FAM114A1: variants seen among roughly 807,000 people sequenced by gnomAD.
FAM114A1 encodes family with sequence similarity 114 member A1, also known as protein NOXP20.
Under a neutral mutation model 64.3 loss-of-function variants are expected in FAM114A1, and 62 were observed. The observed-to-expected ratio is 0.96, with a 90% confidence interval of 0.79 to 1.19. The LOEUF is 1.19. FAM114A1 is among the 50% of genes most tolerant of loss of function. The probability of loss-of-function intolerance (pLI) is 0.00; values close to 1 mark genes in which losing one functional copy is unlikely to be tolerated. For synonymous variants in FAM114A1, 254 were observed against 251.1 expected, an observed-to-expected ratio of 1.01 and a Z score of -0.11; for missense variants, 645 against 676.3, an observed-to-expected ratio of 0.95 and a Z score of 0.51.
chr4:38,905,964 T>G, intron 6 of FAM114A1, 103 bp downstream of exon 6: 1 of 1,004,378 alleles, frequency 1.0e-6, no homozygotes, highest in South Asian at 1.8e-5. Context: ...AACGATGGCC[T>G]TGCTCAGAAC....
intron 3 of FAM114A1, among the ~76,000 whole-genome samples, chr4:38,890,044 T>C (rs1390344740): frequency 6.6e-6 from 1 of 151,398 alleles, no homozygotes; most frequent in Admixed American, 6.6e-5. Flanking sequence ...AAGCAAAAAC[T>C]TTTCCATTTA....
intron 12 of FAM114A1, among the ~76,000 whole-genome samples, chr4:38,934,298 A>G (rs187457778): frequency 1.3e-5 from 2 of 152,290 alleles, no homozygotes; most frequent in Admixed American, 1.3e-4. Flanking sequence ...ATTTGCCTGT[A>G]CAATAAGTGC....
intron 6 of FAM114A1, among the ~76,000 whole-genome samples, chr4:38,906,450 G>A (rs1033431559): frequency 1.3e-5 from 2 of 152,120 alleles, no homozygotes; most frequent in South Asian, 4.1e-4. Flanking sequence ...AAACATTGGT[G>A]AATAATGAAA....
intron 13 of FAM114A1, chr4:38,938,630 A>G (rs1001621323): frequency 2.6e-5 from 4 of 152,262 alleles, no homozygotes; most frequent in Middle Eastern, 3.4e-3. Context: ...GAGAGGTGCG[A>G]GGTCTTAATC....
chr4:38,870,328 C>T (rs1409794879), intron 2 of FAM114A1, among the ~76,000 whole-genome samples: 2 of 152,212 alleles, frequency 1.3e-5, no homozygotes, highest in African/African-American at 4.8e-5. Context: ...CTCCCTTGCA[C>T]AGGGTCAGTC....
rs186606894 is a variant in FAM114A1, at chr4:38,906,021, G to A, written c.657+160G>A. Among the ~76,000 whole-genome samples, 10 of 152,048 alleles carry A rather than the reference G, an allele frequency of 6.6e-5. No homozygotes were observed. The East Asian group carries it at 1.2e-3, about 18-fold the overall frequency. Reference sequence around the variant, plus strand: ...TAATGTTTTCTGCTACAAAGTAGACGTAACCTTGGATTCAAAATAATAAGG... The same window carrying A: ...TAATGTTTTCTGCTACAAAGTAGACATAACCTTGGATTCAAAATAATAAGG... On this transcript the variant is annotated intron_variant, in intron 6 of 14. Transcript: ENST00000358869.
intron 11 of FAM114A1, 78 bp downstream of exon 11, chr4:38,931,690 G>A (rs1720656168): frequency 1.4e-6 from 2 of 1,401,400 alleles, no homozygotes. Context: ...TTTAATTGAG[G>A]AGAGGCCATT....
At chr4:38,868,028 C>T (rs780817040) in intron 1 of FAM114A1, 194 bp downstream of exon 1, 3 of 424,054 alleles carry the variant, frequency 7.1e-6, no homozygotes, top group Non-Finnish European at 9.5e-6. Flanking sequence ...GGCGGCGCGG[C>T]CGAGGGACCT....
intron 1 of FAM114A1, chr4:38,868,192 C>T (rs1216741373): frequency 3.5e-5 from 7 of 198,936 alleles, no homozygotes; most frequent in Non-Finnish European, 6.6e-5. Flanking sequence ...GTATCCAGTC[C>T]TGGCACCAAG....
chr4:38,906,620 C>T (rs1051169645), intron 6 of FAM114A1, among the ~76,000 whole-genome samples: 2 of 152,104 alleles, frequency 1.3e-5, no homozygotes, highest in Admixed American at 1.3e-4. Context: ...CTGCAACCTC[C>T]GCATCCCTGA....
rs763196324 is a variant in FAM114A1, at chr4:38,905,877, C to T, written c.657+16C>T. The T allele has an allele frequency of 1.9e-6, 3 of 1,601,000 alleles. No individual in the cohort carries two copies. The African/African-American group carries it at 4.1e-5, about 22-fold the overall frequency. On this transcript the variant is annotated intron_variant, in intron 6 of 14. Transcript: ENST00000358869. The stretch of plus-strand genomic sequence containing the variant: ...TCAAAACACAGTGAGTCGCTGGCTG[C>T]TTCCTCTCTTTCCCCTGTATTTCCC...
At position 38,891,465 on chromosome 4, in the gene FAM114A1, A is replaced by G. The variant is rs528022574; in HGVS notation, c.349-278A>G. Among the ~76,000 whole-genome samples, 327 of 152,290 alleles carry G rather than the reference A, an allele frequency of 2.1e-3. 2 individuals are homozygous for G. The highest frequency in any genetic ancestry group is 7.5e-3 in the African/African-American group (310 of 41,560). On this transcript the variant is annotated intron_variant, in intron 3 of 14. Transcript: ENST00000358869. The stretch of plus-strand genomic sequence containing the variant: ...ATGCAGCCTTTTCCCTGTCTTCTAA[A>G]TAATAAGAGAGAATCGAGGCTCAGT...
chr4:38,888,914 A>T (rs1484871367), intron 3 of FAM114A1, among the ~76,000 whole-genome samples: 1 of 152,244 alleles, frequency 6.6e-6, no homozygotes, highest in East Asian at 1.9e-4. Flanking sequence ...AGATATATTT[A>T]TAATTCATGC....
At chr4:38,915,297 C>A (rs1244103653) in intron 8 of FAM114A1, among the ~76,000 whole-genome samples, 1 of 152,056 alleles carries the variant, frequency 6.6e-6, no homozygotes, top group Non-Finnish European at 1.5e-5. Context: ...AAGGCCTGCA[C>A]AGTAAGAGCC....
At chr4:38,906,506 A>C (rs1251221651) in intron 6 of FAM114A1, among the ~76,000 whole-genome samples, 1 of 152,120 alleles carries the variant, frequency 6.6e-6, no homozygotes, top group African/African-American at 2.4e-5. Context: ...GCTGGTCATC[A>C]GGGTCAGGGA....
chr4:38,888,354 CA>C (rs1006675632), intron 3 of FAM114A1, among the ~76,000 whole-genome samples: 2 of 151,870 alleles, frequency 1.3e-5, no homozygotes, highest in African/African-American at 4.8e-5. Flanking sequence ...CCTGTCTCTA[CA>C]AAAAATAATT....
chr4:38,904,417 C>A (rs11933381), intron 4 of FAM114A1, among the ~76,000 whole-genome samples: 2,418 of 152,278 alleles, frequency 0.016, 81 homozygotes, highest in African/African-American at 0.054. Flanking sequence ...GGGTTTTTCC[C>A]TGTGGGTAGG....
intron 9 of FAM114A1, among the ~76,000 whole-genome samples, chr4:38,924,653 C>G (rs1719938077): frequency 6.6e-6 from 1 of 152,188 alleles, no homozygotes; most frequent in South Asian, 2.1e-4. Flanking sequence ...GTATCAGAGA[C>G]AGTTGGGAAT....
intron 4 of FAM114A1, among the ~76,000 whole-genome samples, chr4:38,900,983 T>A (rs562670862): frequency 6.6e-6 from 1 of 152,010 alleles, no homozygotes; most frequent in South Asian, 2.1e-4. Context: ...ACCAGATATA[T>A]CAGAGATATG....
Sources: gnomAD v4.1 joint callset for allele counts (sites outside exome capture counted in the v4.1 genomes callset) on GRCh38, gnomAD v4.1.1 for gene constraint, MANE v1.5 for transcripts, NCBI Gene and HGNC (gene_info 2026-07-23, HGNC 2026-07-21) for gene names.